Variants in CORO2B observed in about 807,000 individuals in gnomAD.
The protein encoded by CORO2B is coronin 2B, also known as coronin-2B.
Under a neutral mutation model 58.8 loss-of-function variants are expected in CORO2B, and 26 were observed. The ratio of observed to expected loss-of-function variants is 0.44; its 90% CI spans 0.32 to 0.61. The LOEUF (loss-of-function observed/expected upper bound fraction) is 0.61, where lower values mean the gene tolerates loss of function less well. Ranked by LOEUF, CORO2B falls within the 20% of genes least tolerant of loss-of-function variation. The pLI, the probability that CORO2B is intolerant of heterozygous loss-of-function variation, is 0.04. For missense variants in CORO2B, 460 were observed against 645.1 expected, an observed-to-expected ratio of 0.71 and a Z score of 3.11; for synonymous variants, 242 against 253.8, an observed-to-expected ratio of 0.95 and a Z score of 0.44.
chr15:68,544,862 C>T, the CORO2B span, among the ~76,000 whole-genome samples: 125 of 152,094 alleles, frequency 8.2e-4, no homozygotes, highest in South Asian at 1.9e-3. Context: ...CTGCAAGCTC[C>T]GCCTCCGGGG....
At chr15:68,685,413 T>C (rs888372320) in intron 2 of CORO2B, among the ~76,000 whole-genome samples, 2 of 152,192 alleles carry the variant, frequency 1.3e-5, no homozygotes, top group African/African-American at 4.8e-5. Context: ...GATTTTGCCA[T>C]GTTGCCCAGG....
rs199685409 is a variant in CORO2B at position 68,625,323 on chromosome 15, AC to A, written c.16-19836del. ...GGTATAATTTACATGCATTAAAAAA[AC>A]ATCTTTTTTAGTGTCCACTTCTATG... On this transcript the variant is annotated intron_variant, in intron 1 of 11. Transcript: ENST00000261861. 9.3e-3 allele frequency among the ~76,000 whole-genome samples: 1,420 copies of A among 152,162 alleles called. 28 individuals carry two copies. Among genetic ancestry groups the A allele is most frequent in the African/African-American group, 0.032 (1,338 of 41,482 alleles).
chr15:68,576,274 T>C (rs1352907075), upstream of CORO2B, among the ~76,000 whole-genome samples: 1 of 151,926 alleles, frequency 6.6e-6, no homozygotes, highest in Non-Finnish European at 1.5e-5. Context: ...AGTTTGCCCT[T>C]GCTTTTCTAG....
chr15:68,642,675 C>T (rs1901292648), intron 1 of CORO2B, among the ~76,000 whole-genome samples: 1 of 152,178 alleles, frequency 6.6e-6, no homozygotes, highest in Non-Finnish European at 1.5e-5. Context: ...TTCCTGCCAT[C>T]ACAGAGCAGT....
chr15:68,615,226 C>T (rs867841858), intron 1 of CORO2B, among the ~76,000 whole-genome samples: 2 of 152,154 alleles, frequency 1.3e-5, no homozygotes, highest in African/African-American at 2.4e-5. Context: ...TCTGACTAAC[C>T]GTGACCCCAG....
In CORO2B at chr15:68,695,157, C is replaced by G. The variant is rs1892479089; in HGVS notation, c.234C>G (p.Pro78=). The change falls in exon 3 of 12, where the codon CCC becomes CCG. Residue 78 remains proline, a synonymous_variant. Coordinates refer to ENST00000261861, the MANE Select transcript of CORO2B (RefSeq NM_006091.5). ...CTCTGCAGACAGGCAGGATTGAACC[C>G]AACTACCCCAAGGTCTGCGGCCACC... ...IPLEQTGRIE[P]NYPKVCGHQG... 1 of 1,613,898 alleles carries G rather than the reference C, an allele frequency of 6.2e-7. No individual in the cohort carries two copies. The highest frequency in any genetic ancestry group is 8.5e-7 in the Non-Finnish European group (1 of 1,179,886).
chr15:68,629,687 G>T (rs1299029567), intron 1 of CORO2B, among the ~76,000 whole-genome samples: 1 of 152,214 alleles, frequency 6.6e-6, no homozygotes, highest in East Asian at 1.9e-4. Context: ...GAGGGTCAGT[G>T]ACACGAGCAG....
At chr15:68,595,509 G>T (rs7166042) in intron 1 of CORO2B, among the ~76,000 whole-genome samples, 7,931 of 152,298 alleles carry the variant, frequency 0.052, 712 homozygotes, top group African/African-American at 0.18. Context: ...AGGGGACTGG[G>T]ATCCCCTTCC....
At chr15:68,569,333 C>T in the CORO2B span, among the ~76,000 whole-genome samples, 10 of 152,234 alleles carry the variant, frequency 6.6e-5, no homozygotes, top group African/African-American at 1.9e-4. Context: ...CTGATCTTTT[C>T]GCTGTCTCCA....
At chr15:68,678,172 C>A (rs996839559) in intron 2 of CORO2B, among the ~76,000 whole-genome samples, 2 of 152,202 alleles carry the variant, frequency 1.3e-5, no homozygotes, top group Admixed American at 1.3e-4. Flanking sequence ...ACAACACTGG[C>A]GGGGTTAGGA....
chr15:68,726,335 T>C lies in CORO2B; in HGVS notation c.*361T>C. 1 of 297,778 alleles carries C rather than the reference T, an allele frequency of 3.4e-6. No homozygotes were observed. The highest frequency in any genetic ancestry group is 3.0e-5 in the South Asian group (1 of 33,736). 18.4% of individuals were successfully genotyped at this position (297,778 alleles called of 1,614,324 possible). On this transcript the variant is annotated 3_prime_UTR_variant, in exon 12 of 12. Transcript: ENST00000261861. ...CCCAGCTAGACTTAGAACTTGGACT[T>C]TTCCCCTGTGAAGGGGGCTGCCAGG...
At chr15:68,570,722 G>C in the CORO2B span, among the ~76,000 whole-genome samples, 6 of 151,640 alleles carry the variant, frequency 4.0e-5, no homozygotes, top group Non-Finnish European at 8.8e-5. Flanking sequence ...GAAGGAAAGG[G>C]TCTGTGTTCA....
chr15:68,578,732 C>G (rs1026835520), upstream of CORO2B, among the ~76,000 whole-genome samples: 3 of 152,100 alleles, frequency 2.0e-5, no homozygotes, highest in African/African-American at 7.2e-5. This position sits in a 1 kb window ranked among gnomAD's most constrained non-coding sequence, Gnocchi z 4.2. Context: ...TTCTCCCAGC[C>G]GGCAGGTGCC....
intron 1 of CORO2B, among the ~76,000 whole-genome samples, chr15:68,607,638 C>T (rs979625966): frequency 2.0e-5 from 3 of 151,940 alleles, no homozygotes; most frequent in South Asian, 2.1e-4. Context: ...GGTGACATAG[C>T]GAGAACCCAT....
In CORO2B at chr15:68,711,525, T is replaced by C. The variant is rs572796308; in HGVS notation, c.484-17T>C. The C allele has an allele frequency of 2.0e-4, 328 of 1,605,452 alleles. 4 individuals carry two copies. The South Asian group carries it at 3.4e-3, about 17-fold the overall frequency. ...TAGCAGCCACTGACCCTGCCTCCCA[T>C]GCATCTGCCCTCGCAGGTCCTCATC... On this transcript the variant is annotated splice_polypyrimidine_tract_variant and intron_variant, in intron 4 of 11. Transcript: ENST00000261861.
chr15:68,554,430 G>A, the CORO2B span, among the ~76,000 whole-genome samples: 1 of 152,160 alleles, frequency 6.6e-6, no homozygotes, highest in Non-Finnish European at 1.5e-5. Flanking sequence ...AGAACCTCCA[G>A]CTGCCAGAGT....
the CORO2B span, among the ~76,000 whole-genome samples, chr15:68,543,360 G>A: frequency 6.6e-6 from 1 of 152,014 alleles, no homozygotes; most frequent in African/African-American, 2.4e-5. Flanking sequence ...CTCTCTCCTG[G>A]ACCAAAGCCT....
At chr15:68,606,430 C>T (rs12915441) in intron 1 of CORO2B, among the ~76,000 whole-genome samples, 1 of 152,066 alleles carries the variant, frequency 6.6e-6, no homozygotes. Flanking sequence ...GGACTGCACT[C>T]ATGGTCCCTG....
At chr15:68,584,029 A>G (rs1462782150) in intron 1 of CORO2B, among the ~76,000 whole-genome samples, 2 of 152,180 alleles carry the variant, frequency 1.3e-5, no homozygotes, top group Admixed American at 6.5e-5. Flanking sequence ...CCCTCTGAGC[A>G]CCTACTCTGG....
Sources: allele counts gnomAD v4.1 joint callset (sites outside exome capture counted in the v4.1 genomes callset), GRCh38; gene constraint gnomAD v4.1.1; non-coding constraint Gnocchi (gnomAD v3.1); transcripts MANE v1.5; gene names NCBI Gene and HGNC (gene_info 2026-07-23, HGNC 2026-07-21).